RASGRF2: variants seen among roughly 807,000 people sequenced by gnomAD.
The protein encoded by RASGRF2 is Ras protein specific guanine nucleotide releasing factor 2.
A neutral mutation model predicts 151.0 loss-of-function variants in RASGRF2; 76 were observed. That is an observed-to-expected ratio of 0.50 (90% CI 0.42 to 0.61). The LOEUF is 0.61. RASGRF2 is among the 20% of genes least tolerant of loss of function. The pLI, the probability that RASGRF2 is intolerant of heterozygous loss-of-function variation, is 0.00. For synonymous variants in RASGRF2, 504 were observed against 566.5 expected (o/e 0.89, Z 1.57); for missense variants, 1,148 against 1,564.6 (o/e 0.73, Z 4.49).
chr5:81,047,064 A>T (rs1167843976), intron 2 of RASGRF2, among the ~76,000 whole-genome samples: 1 of 152,216 alleles, frequency 6.6e-6, no homozygotes, highest in Non-Finnish European at 1.5e-5. Flanking sequence ...GTGGCATCTA[A>T]CACATCTCTC....
intron 1 of RASGRF2, among the ~76,000 whole-genome samples, chr5:81,036,050 G>A (rs931183822): frequency 6.6e-6 from 1 of 151,976 alleles, no homozygotes; most frequent in African/African-American, 2.4e-5. Context: ...TTTAAAAAAG[G>A]CACAAATAAC....
chr5:81,065,127 C>A (rs1751561939), intron 2 of RASGRF2, among the ~76,000 whole-genome samples: 1 of 152,106 alleles, frequency 6.6e-6, no homozygotes, highest in African/African-American at 2.4e-5. Context: ...TTGATTGACA[C>A]CGTGATCGTA....
intron 2 of RASGRF2, among the ~76,000 whole-genome samples, chr5:81,062,015 A>AAC (rs1554090616): frequency 7.4e-6 from 1 of 135,114 alleles, no homozygotes; most frequent in Non-Finnish European, 1.6e-5. Context: ...AAAAAAAAAA[A>AAC]AAAAAAAAAC....
Position 81,123,691 on chromosome 5 carries a change from T to A in RASGRF2, c.2520T>A (p.Pro840=). 1 of 1,614,012 alleles carries A rather than the reference T, an allele frequency of 6.2e-7. No individual in the cohort carries two copies. The highest frequency in any genetic ancestry group is 8.5e-7 in the Non-Finnish European group (1 of 1,179,962). ...PADRAGVESS[P]AADTTELSPC... ...ACCGAGCAGGAGTGGAAAGCTCCCC[T>A]GCAGCGGACACCACAGAACTTTCAC... The change falls in exon 16 of 27, where the codon CCT becomes CCA. Residue 840 remains proline (P), a synonymous_variant. Transcript: ENST00000265080.
At chr5:81,202,314 A>G (rs1031097427) in intron 19 of RASGRF2, among the ~76,000 whole-genome samples, 4 of 151,742 alleles carry the variant, frequency 2.6e-5, no homozygotes, top group African/African-American at 9.7e-5. Flanking sequence ...TTCATTTACA[A>G]CCTCTAGAAA....
At chr5:81,118,128 T>G (rs1753208746) in intron 15 of RASGRF2, among the ~76,000 whole-genome samples, 1 of 152,248 alleles carries the variant, frequency 6.6e-6, no homozygotes, top group Non-Finnish European at 1.5e-5. Context: ...TGCAATGGCC[T>G]CACTCTCATG....
chr5:81,185,778 GA>G (rs2112684906), intron 18 of RASGRF2, among the ~76,000 whole-genome samples: 1 of 152,328 alleles, frequency 6.6e-6, no homozygotes, highest in South Asian at 2.1e-4. Flanking sequence ...CACTAGGATG[GA>G]AGCAGCCCAC....
intron 18 of RASGRF2, 65 bp from the exon 19 acceptor site, chr5:81,201,265 T>C: frequency 6.5e-7 from 1 of 1,533,036 alleles, no homozygotes; most frequent in East Asian, 2.3e-5. Context: ...TGGAGAATGG[T>C]GTCATGTGTC....
At chr5:80,994,404 C>T (rs747433678) in intron 1 of RASGRF2, among the ~76,000 whole-genome samples, 1 of 148,286 alleles carries the variant, frequency 6.7e-6, no homozygotes, top group Non-Finnish European at 1.5e-5. Flanking sequence ...GTCAAAGCAA[C>T]GATCGAACTC....
intron 1 of RASGRF2, among the ~76,000 whole-genome samples, chr5:81,032,869 A>T (rs1306000022): frequency 6.6e-6 from 1 of 152,240 alleles, no homozygotes; most frequent in Non-Finnish European, 1.5e-5. Flanking sequence ...CCCTGTTTGC[A>T]GATGACATGA....
intron 1 of RASGRF2, among the ~76,000 whole-genome samples, chr5:80,965,835 C>G (rs965164082): frequency 1.3e-5 from 2 of 152,056 alleles, no homozygotes; most frequent in African/African-American, 4.8e-5. Flanking sequence ...CTGTTTAATG[C>G]AGATTATATT....
intron 18 of RASGRF2, among the ~76,000 whole-genome samples, chr5:81,190,570 G>A (rs1755134536): frequency 6.6e-6 from 1 of 152,162 alleles, no homozygotes; most frequent in Non-Finnish European, 1.5e-5. Context: ...ACTATTATCT[G>A]ATAAGTATGG....
chr5:81,087,069 C>T (rs1258795182), intron 9 of RASGRF2, 116 bp downstream of exon 9: 2 of 947,780 alleles, frequency 2.1e-6, no homozygotes, highest in Non-Finnish European at 3.4e-6. Flanking sequence ...CCGAAGGACC[C>T]CCCCACGGCC....
intron 17 of RASGRF2, among the ~76,000 whole-genome samples, chr5:81,172,878 A>C (rs935572387): frequency 6.6e-6 from 1 of 152,136 alleles, no homozygotes; most frequent in Non-Finnish European, 1.5e-5. Context: ...TGAGATTATA[A>C]AACTAGCAAA....
Position 81,085,704 on chromosome 5 carries a change from G to C in RASGRF2, c.1162-98G>C. ...GTGTAAAACAGTAAAAAGTGGGAGAGTAGAGACAAGCTTCTCGAAGCAATG... is the reference window on the plus strand; with the variant it reads ...GTGTAAAACAGTAAAAAGTGGGAGACTAGAGACAAGCTTCTCGAAGCAATG... On this transcript the variant is annotated intron_variant, in intron 7 of 26. Coordinates refer to ENST00000265080, the MANE Select transcript of RASGRF2 (RefSeq NM_006909.3). The C allele has an allele frequency of 3.9e-6, 6 of 1,541,182 alleles. No homozygotes were observed. The South Asian group carries it at 7.5e-5, about 19-fold the overall frequency.
chr5:81,101,769 G>T (rs1440260279), intron 12 of RASGRF2, among the ~76,000 whole-genome samples: 1 of 152,024 alleles, frequency 6.6e-6, no homozygotes, highest in Admixed American at 6.5e-5. Flanking sequence ...TTTGACGTAT[G>T]GTTTGGATTG....
At chr5:81,052,074 G>A (rs1308866599) in intron 2 of RASGRF2, among the ~76,000 whole-genome samples, 2 of 152,110 alleles carry the variant, frequency 1.3e-5, no homozygotes, top group African/African-American at 4.8e-5. Context: ...AGTTGTATCT[G>A]TATTCTTGCT....
At position 81,024,329 on chromosome 5, in the gene RASGRF2, G is replaced by A. The variant is rs533834079; in HGVS notation, c.289-18548G>A. Among the ~76,000 whole-genome samples, 8 of 133,302 alleles carry A rather than the reference G, an allele frequency of 6.0e-5. No homozygotes were observed. In the South Asian group the frequency reaches 1.4e-3, roughly 24 times the overall value. The allele number at this position is 133,302 out of a possible 152,430, so 87.5% of individuals were successfully genotyped here. A position where few individuals can be genotyped will look rare whatever the true frequency, so the allele number is the denominator to read the frequency against. On this transcript the variant is annotated intron_variant, in intron 1 of 26. Transcript: ENST00000265080. ...GCCTGGAATGCAGTGGTGTGATCTCGGCTCACTGCAACCTCCGTCTCCCAG... is the reference window on the plus strand; with the variant it reads ...GCCTGGAATGCAGTGGTGTGATCTCAGCTCACTGCAACCTCCGTCTCCCAG...
chr5:81,197,223 G>A (rs1472241449), intron 18 of RASGRF2, among the ~76,000 whole-genome samples: 1 of 151,804 alleles, frequency 6.6e-6, no homozygotes, highest in Non-Finnish European at 1.5e-5. Flanking sequence ...TTGGGAGGCC[G>A]AGGCGGGTGG....
Sources: gnomAD v4.1 joint callset for allele counts (sites outside exome capture counted in the v4.1 genomes callset) on GRCh38, gnomAD v4.1.1 for gene constraint, MANE v1.5 for transcripts, NCBI Gene and HGNC (gene_info 2026-07-23, HGNC 2026-07-21) for gene names.